Variants in CADM2 observed in about 807,000 individuals in gnomAD.
CADM2 encodes cell adhesion molecule 2.
In CADM2, 12 loss-of-function variants were observed where a neutral mutation model predicts 49.8. The ratio of observed to expected loss-of-function variants is 0.24; its 90% CI spans 0.15 to 0.39. The LOEUF (loss-of-function observed/expected upper bound fraction) is 0.39. Among genes scored for constraint, CADM2 ranks in the 10% least tolerant of loss-of-function variants. The probability of loss-of-function intolerance (pLI) is 1.00; values close to 1 mark genes in which losing one functional copy is unlikely to be tolerated. For missense variants in CADM2, 378 were observed against 492.3 expected (o/e 0.77, Z 2.20); for synonymous variants, 214 against 175.4 (o/e 1.22, Z -1.74).
At chr3:84,966,062 G>A (rs2030960181) in intron 1 of CADM2, among the ~76,000 whole-genome samples, 1 of 152,146 alleles carries the variant, frequency 6.6e-6, no homozygotes, top group South Asian at 2.1e-4. Context: ...AACTGAACAT[G>A]TTATACATAC....
intron 2 of CADM2, among the ~76,000 whole-genome samples, chr3:85,762,000 A>T (rs2069412743): frequency 6.6e-6 from 1 of 152,166 alleles, no homozygotes; most frequent in South Asian, 2.1e-4. Context: ...TAGGGATTTT[A>T]TGTATGGCTA....
chr3:85,410,980 A>G (rs572845073), intron 1 of CADM2, among the ~76,000 whole-genome samples: 62 of 152,342 alleles, frequency 4.1e-4, no homozygotes, highest in Admixed American at 8.5e-4. Context: ...CCGATTAACA[A>G]CATCCTATTC....
At chr3:85,487,440 A>G (rs899951226) in intron 1 of CADM2, among the ~76,000 whole-genome samples, 6 of 152,130 alleles carry the variant, frequency 3.9e-5, no homozygotes, top group Admixed American at 1.3e-4. Context: ...TTGAGGTGGA[A>G]GGATCACTTG....
chr3:85,392,317 G>A (rs2034556312), intron 1 of CADM2, among the ~76,000 whole-genome samples: 1 of 151,930 alleles, frequency 6.6e-6, no homozygotes, highest in African/African-American at 2.4e-5. Context: ...TTGACTTGAG[G>A]CTTTTCTATC....
At chr3:85,835,893 C>T (rs945790570) in intron 3 of CADM2, among the ~76,000 whole-genome samples, 4 of 149,612 alleles carry the variant, frequency 2.7e-5, no homozygotes, top group African/African-American at 7.5e-5. Flanking sequence ...TTTCATGTTA[C>T]TCCCTTTATT....
intron 8 of CADM2, among the ~76,000 whole-genome samples, chr3:86,023,970 A>C (rs1425248329): frequency 6.6e-6 from 1 of 152,194 alleles, no homozygotes; most frequent in African/African-American, 2.4e-5. Context: ...GCACTTTCAC[A>C]TTCTGTCCAT....
chr3:85,844,169 C>T (rs1207754638), intron 3 of CADM2, among the ~76,000 whole-genome samples: 1 of 152,004 alleles, frequency 6.6e-6, no homozygotes, highest in Non-Finnish European at 1.5e-5. Flanking sequence ...ATCCAGCTAT[C>T]AGAGATTTCT....
chr3:85,702,845 G>T (rs1184235592), intron 1 of CADM2, among the ~76,000 whole-genome samples: 1 of 152,218 alleles, frequency 6.6e-6, no homozygotes, highest in South Asian at 2.1e-4. Context: ...TTAGTCAAAT[G>T]ATCTCATATT....
At chr3:85,844,932 G>A (rs1030954274) in intron 3 of CADM2, among the ~76,000 whole-genome samples, 3 of 151,698 alleles carry the variant, frequency 2.0e-5, no homozygotes, top group Non-Finnish European at 4.4e-5. Context: ...GGGAGGATAC[G>A]TTAAAGCGAG....
At position 85,702,581 on chromosome 3, in the gene CADM2, A is replaced by G. The variant is rs142975863; in HGVS notation, c.62-23941A>G. 4.6e-5 allele frequency among the ~76,000 whole-genome samples: 7 copies of G among 152,242 alleles called. No individual in the cohort carries two copies. The East Asian group carries it at 1.4e-3, about 29-fold the overall frequency. ...TGATATTCTATCATTGTCTCTATTT[A>G]TTAGCTTAGATATTCGTATAACAAG... On this transcript the variant is annotated intron_variant, in intron 1 of 9. Transcript: ENST00000383699.
chr3:85,440,385 G>C (rs2037144491), intron 1 of CADM2, among the ~76,000 whole-genome samples: 1 of 152,086 alleles, frequency 6.6e-6, no homozygotes, highest in Non-Finnish European at 1.5e-5. Context: ...AAGTTAGTAG[G>C]TTGAACTGGG....
At chr3:85,756,047 AAAC>A in intron 2 of CADM2, among the ~76,000 whole-genome samples, 1 of 152,140 alleles carries the variant, frequency 6.6e-6, no homozygotes, top group Non-Finnish European at 1.5e-5. Flanking sequence ...TTGTTAGCAT[AAAC>A]TCAAGTATGG....
intron 1 of CADM2, among the ~76,000 whole-genome samples, chr3:85,627,327 G>T (rs1242529269): frequency 1.3e-5 from 2 of 151,876 alleles, no homozygotes; most frequent in Non-Finnish European, 2.9e-5. Flanking sequence ...CACTAACTTG[G>T]AATGGGTCCT....
At chr3:85,538,997 A>C (rs935439503) in intron 1 of CADM2, among the ~76,000 whole-genome samples, 18 of 152,240 alleles carry the variant, frequency 1.2e-4, no homozygotes, top group Non-Finnish European at 2.5e-4. Context: ...TTCTTAATAC[A>C]ACACTAAGAT....
chr3:85,969,624 A>G (rs1255966407), intron 8 of CADM2, among the ~76,000 whole-genome samples: 1 of 151,166 alleles, frequency 6.6e-6, no homozygotes, highest in Non-Finnish European at 1.5e-5. Context: ...GTGTCTATAT[A>G]TACATATGTA....
intron 1 of CADM2, among the ~76,000 whole-genome samples, chr3:85,226,199 C>T (rs2042157166): frequency 6.6e-6 from 1 of 151,034 alleles, no homozygotes; most frequent in Non-Finnish European, 1.5e-5. Flanking sequence ...ATGATATCAG[C>T]TCCTCTTTGT....
intron 1 of CADM2, among the ~76,000 whole-genome samples, chr3:85,031,672 G>T (rs201120742): frequency 9.9e-5 from 15 of 151,858 alleles, no homozygotes; most frequent in African/African-American, 3.4e-4. Context: ...ACGCCACCAC[G>T]CCCGGCTAAT....
intron 1 of CADM2, among the ~76,000 whole-genome samples, chr3:85,490,519 G>A (rs1047207571): frequency 6.6e-6 from 1 of 152,068 alleles, no homozygotes; most frequent in Admixed American, 6.6e-5. Flanking sequence ...ATGAGCTTGA[G>A]GCTGCAGTAA....
At chr3:86,008,928 C>G (rs12635434) in intron 8 of CADM2, among the ~76,000 whole-genome samples, 3,098 of 151,096 alleles carry the variant, frequency 0.021, 88 homozygotes, top group African/African-American at 0.062. Context: ...CTTTCTTTTC[C>G]CCAAATGTTC....
Sources: gnomAD v4.1 joint callset for allele counts (sites outside exome capture counted in the v4.1 genomes callset) on GRCh38, gnomAD v4.1.1 for gene constraint, MANE v1.5 for transcripts, NCBI Gene and HGNC (gene_info 2026-07-23, HGNC 2026-07-21) for gene names.